Variants in RAPGEF4 observed in about 807,000 individuals in gnomAD.
The protein encoded by RAPGEF4 is RAP guanine-nucleotide-exchange factor (GEF) 4.
Under a neutral mutation model 147.9 loss-of-function variants are expected in RAPGEF4, and 66 were observed. The observed-to-expected ratio is 0.45, with a 90% CI of 0.37 to 0.55. The LOEUF (loss-of-function observed/expected upper bound fraction) is 0.55, where lower values mean the gene tolerates loss of function less well. Ranked by LOEUF, RAPGEF4 falls within the 20% of genes least tolerant of loss-of-function variation. RAPGEF4 has a pLI of 0.00. For missense variants in RAPGEF4, 1,071 were observed against 1,257.3 expected (o/e 0.85, Z 2.24); for synonymous variants, 419 against 442.7 (o/e 0.95, Z 0.67).
intron 3 of RAPGEF4, among the ~76,000 whole-genome samples, chr2:172,799,476 C>T (rs944786402): frequency 5.3e-5 from 8 of 152,286 alleles, no homozygotes; most frequent in South Asian, 2.1e-4. Context: ...CAGATTACCC[C>T]ATGTCCTTCT....
intron 4 of RAPGEF4, among the ~76,000 whole-genome samples, chr2:172,847,309 C>A (rs887632346): frequency 6.6e-6 from 1 of 152,174 alleles, no homozygotes; most frequent in African/African-American, 2.4e-5. Flanking sequence ...CCTAGGGTCA[C>A]CCTGAGAGCA....
chr2:172,745,736 A>G (rs1459126169), intron 1 of RAPGEF4, among the ~76,000 whole-genome samples: 1 of 152,122 alleles, frequency 6.6e-6, no homozygotes, highest in Non-Finnish European at 1.5e-5. Flanking sequence ...TTTTTTATTC[A>G]GTATTTGTAA....
chr2:172,994,118 C>T (rs904262960), intron 15 of RAPGEF4, among the ~76,000 whole-genome samples: 2 of 152,188 alleles, frequency 1.3e-5, no homozygotes, highest in African/African-American at 2.4e-5. Flanking sequence ...ATGAGTCACA[C>T]GGCTAGCTAT....
intron 6 of RAPGEF4, among the ~76,000 whole-genome samples, chr2:172,937,604 T>C (rs1199794878): frequency 6.6e-6 from 1 of 152,162 alleles, no homozygotes; most frequent in African/African-American, 2.4e-5. Context: ...GTTTCTCCAC[T>C]GTAAAGTCAG....
chr2:172,998,285 A>C (rs1693564002), intron 16 of RAPGEF4, among the ~76,000 whole-genome samples: 1 of 152,208 alleles, frequency 6.6e-6, no homozygotes, highest in African/African-American at 2.4e-5. Flanking sequence ...CATCCATACT[A>C]AGGGATAATA....
intron 3 of RAPGEF4, among the ~76,000 whole-genome samples, chr2:172,805,993 CATT>C (rs1040488612): frequency 1.3e-5 from 2 of 150,036 alleles, no homozygotes; most frequent in Admixed American, 6.7e-5. Flanking sequence ...TTATAAATCT[CATT>C]GTATCAGATA....
intron 17 of RAPGEF4, among the ~76,000 whole-genome samples, chr2:173,012,827 C>A (rs1370227178): frequency 6.6e-6 from 1 of 152,164 alleles, no homozygotes; most frequent in Non-Finnish European, 1.5e-5. Context: ...TGGTACCTAC[C>A]ATGCATCTGA....
At chr2:172,843,655 A>G (rs1236033412) in intron 4 of RAPGEF4, among the ~76,000 whole-genome samples, 13 of 152,246 alleles carry the variant, frequency 8.5e-5, no homozygotes, top group Admixed American at 8.5e-4. Context: ...TTGAATAGAC[A>G]TAAAGCTGTT....
intron 10 of RAPGEF4, among the ~76,000 whole-genome samples, chr2:172,970,038 T>C (rs1690287399): frequency 1.3e-5 from 2 of 152,176 alleles, no homozygotes; most frequent in South Asian, 2.1e-4. Context: ...TTTGCAAACG[T>C]TGGAATTGGG....
intron 3 of RAPGEF4, among the ~76,000 whole-genome samples, chr2:172,806,423 G>A (rs1687502127): frequency 6.6e-6 from 1 of 152,156 alleles, no homozygotes; most frequent in South Asian, 2.1e-4. Context: ...AATTGGCTGT[G>A]GGTATGCACA....
At chr2:172,829,604 A>G (rs543972114) in intron 4 of RAPGEF4, among the ~76,000 whole-genome samples, 44 of 152,262 alleles carry the variant, frequency 2.9e-4, no homozygotes, top group African/African-American at 1.0e-3. Flanking sequence ...TTATCTTTTT[A>G]TGTAGATTGA....
At chr2:172,848,734 A>G (rs964746308) in intron 4 of RAPGEF4, among the ~76,000 whole-genome samples, 1 of 152,210 alleles carries the variant, frequency 6.6e-6, no homozygotes, top group Non-Finnish European at 1.5e-5. Context: ...AGGGGTGGGA[A>G]TATAGCATGT....
At chr2:172,930,381 T>C (rs961972482) in intron 6 of RAPGEF4, among the ~76,000 whole-genome samples, 1 of 152,160 alleles carries the variant, frequency 6.6e-6, no homozygotes, top group Admixed American at 6.5e-5. Context: ...TTTCCCCCTA[T>C]TTTACTTCTC....
At chr2:172,879,718 C>A (rs560555564) in intron 4 of RAPGEF4, among the ~76,000 whole-genome samples, 1 of 152,106 alleles carries the variant, frequency 6.6e-6, no homozygotes, top group East Asian at 1.9e-4. Flanking sequence ...GGGAGGATCA[C>A]TTGAACCTAG....
intron 3 of RAPGEF4, among the ~76,000 whole-genome samples, chr2:172,813,121 A>C (rs1407250251): frequency 6.6e-6 from 1 of 152,232 alleles, no homozygotes; most frequent in East Asian, 1.9e-4. Flanking sequence ...GGTTGAAGGA[A>C]CTGGATTCTT....
intron 4 of RAPGEF4, among the ~76,000 whole-genome samples, chr2:172,869,395 C>A (rs914574550): frequency 2.6e-5 from 4 of 152,170 alleles, no homozygotes; most frequent in African/African-American, 9.7e-5. Flanking sequence ...ATTGAAAAAT[C>A]TCTTTGCTAA....
chr2:172,843,993 T>G lies in RAPGEF4; in HGVS notation c.444+29568T>G, dbSNP rs550907256. ...GGTGCTGGTATTTTTGCCGTTAAATTGCAAATCCTTTGAAGGCAGAAACAG... is the reference window on the plus strand; with the variant it reads ...GGTGCTGGTATTTTTGCCGTTAAATGGCAAATCCTTTGAAGGCAGAAACAG... On this transcript the variant is annotated intron_variant, in intron 4 of 30. Coordinates refer to ENST00000397081, the MANE Select transcript of RAPGEF4 (RefSeq NM_007023.4). Among the ~76,000 whole-genome samples, 180 of 152,370 alleles carry G rather than the reference T, an allele frequency of 1.2e-3. 1 individual carries two copies. Among genetic ancestry groups the G allele is most frequent in the African/African-American group, 4.0e-3 (168 of 41,590 alleles).
At chr2:172,993,060 C>A (rs1417794298) in intron 15 of RAPGEF4, among the ~76,000 whole-genome samples, 1 of 152,160 alleles carries the variant, frequency 6.6e-6, no homozygotes. Flanking sequence ...CAAAAAGGGT[C>A]ACCATGTTGG....
intron 29 of RAPGEF4, among the ~76,000 whole-genome samples, chr2:173,041,083 T>C (rs1684705882): frequency 6.6e-6 from 1 of 152,228 alleles, no homozygotes; most frequent in Non-Finnish European, 1.5e-5. Flanking sequence ...GGCAAACTTT[T>C]ATACTTCTGT....
Sources: gnomAD v4.1 joint callset for allele counts (sites outside exome capture counted in the v4.1 genomes callset) on GRCh38, gnomAD v4.1.1 for gene constraint, MANE v1.5 for transcripts, NCBI Gene and HGNC (gene_info 2026-07-23, HGNC 2026-07-21) for gene names.